The following FNDC3B variants were observed in gnomAD, a reference collection of about 807,000 sequenced individuals.
FNDC3B encodes the protein fibronectin type III domain containing 3B.
FNDC3B carries 12 observed loss-of-function variants against 151.5 expected under a neutral mutation model. That is an observed-to-expected ratio of 0.08 (90% confidence interval 0.05 to 0.13). The LOEUF (loss-of-function observed/expected upper bound fraction) is 0.13. Ranked by LOEUF, FNDC3B falls within the 10% of genes least tolerant of loss-of-function variation. The pLI, the probability that FNDC3B is intolerant of heterozygous loss-of-function variation, is 1.00. For missense variants in FNDC3B, 1,214 were observed against 1,505.3 expected (o/e 0.81, Z 3.20); for synonymous variants, 528 against 549.0 (o/e 0.96, Z 0.54).
chr3:172,290,092 AC>A (rs1237712132), intron 7 of FNDC3B, among the ~76,000 whole-genome samples: 1 of 152,244 alleles, frequency 6.6e-6, no homozygotes, highest in Middle Eastern at 3.2e-3. Flanking sequence ...AGTTGGGAGC[AC>A]AGTTGTAAAA....
chr3:172,218,159 A>G (rs1007744163), intron 3 of FNDC3B, among the ~76,000 whole-genome samples: 3 of 121,298 alleles, frequency 2.5e-5, no homozygotes, highest in African/African-American at 8.8e-5. Context: ...AAAAAAAAAA[A>G]GGGCTGGTCC....
At chr3:172,174,921 CTT>C in intron 3 of FNDC3B, among the ~76,000 whole-genome samples, 1 of 60,938 alleles carries the variant, frequency 1.6e-5, no homozygotes, top group African/African-American at 5.2e-5. Flanking sequence ...CTTTGGAGAC[CTT>C]CCCCCCGCCA....
chr3:172,271,856 A>T (rs1252775950), intron 6 of FNDC3B, among the ~76,000 whole-genome samples: 1 of 152,224 alleles, frequency 6.6e-6, no homozygotes, highest in African/African-American at 2.4e-5. Flanking sequence ...GTACACTGAC[A>T]ATTTGGAACA....
intron 11 of FNDC3B, among the ~76,000 whole-genome samples, chr3:172,322,875 A>G (rs897520952): frequency 6.6e-6 from 1 of 152,154 alleles, no homozygotes; most frequent in Non-Finnish European, 1.5e-5. Flanking sequence ...GATGGAAGAG[A>G]TCACTCTGCC....
chr3:172,351,553 C>T (rs1370809206), intron 21 of FNDC3B, among the ~76,000 whole-genome samples: 2 of 152,132 alleles, frequency 1.3e-5, no homozygotes, highest in African/African-American at 4.8e-5. Context: ...GATGGAAACC[C>T]ACTGAAGGAA....
intron 23 of FNDC3B, among the ~76,000 whole-genome samples, chr3:172,370,923 G>T (rs1734850709): frequency 6.6e-6 from 1 of 152,148 alleles, no homozygotes; most frequent in South Asian, 2.1e-4. Flanking sequence ...TGGGACATTT[G>T]TTACAGCTGA....
At chr3:172,366,978 C>T (rs1734656643) in intron 23 of FNDC3B, among the ~76,000 whole-genome samples, 4 of 152,178 alleles carry the variant, frequency 2.6e-5, no homozygotes, top group Admixed American at 2.0e-4. Flanking sequence ...TAAGTTTGGG[C>T]ATGTTTCATG....
chr3:172,325,817 A>G (rs1437823836), intron 11 of FNDC3B, among the ~76,000 whole-genome samples: 3 of 152,072 alleles, frequency 2.0e-5, no homozygotes, highest in Non-Finnish European at 2.9e-5. Context: ...CTTTCCAGAT[A>G]TGCATTTTAT....
intron 3 of FNDC3B, among the ~76,000 whole-genome samples, chr3:172,169,025 G>C (rs995812559): frequency 1.1e-5 from 1 of 95,054 alleles, no homozygotes; most frequent in Non-Finnish European, 2.3e-5. Flanking sequence ...GCTCACTGTT[G>C]TAAGAGCTAA....
chr3:172,264,989 C>T (rs902980535), intron 6 of FNDC3B, among the ~76,000 whole-genome samples: 3 of 152,040 alleles, frequency 2.0e-5, no homozygotes, highest in South Asian at 4.1e-4. Context: ...TAAACAACCT[C>T]GATAAGAGGA....
rs552668669 is a variant in FNDC3B, at chr3:172,057,153, A to T, written c.-29+17382A>T. Among the ~76,000 whole-genome samples the T allele has an allele frequency of 2.4e-4, 36 of 152,284 alleles. No homozygotes were observed. In the South Asian group the frequency reaches 7.5e-3, roughly 32 times the overall value. ...TAATAAAGGGGAGTCACTCCCTCCCATTCCTTCTCTCTTTTTGTGGATGTT... is the reference window on the plus strand; with the variant it reads ...TAATAAAGGGGAGTCACTCCCTCCCTTTCCTTCTCTCTTTTTGTGGATGTT... On this transcript the variant is annotated intron_variant, in intron 1 of 25. Transcript: ENST00000415807.
intron 2 of FNDC3B, among the ~76,000 whole-genome samples, chr3:172,130,339 C>T (rs1164762211): frequency 6.6e-6 from 1 of 152,198 alleles, no homozygotes; most frequent in Non-Finnish European, 1.5e-5. Flanking sequence ...ACACAGGAGA[C>T]TTGCCTGGTT....
intron 6 of FNDC3B, among the ~76,000 whole-genome samples, chr3:172,279,921 G>GTTGTTGTTGT (rs1553782222): frequency 3.3e-5 from 5 of 151,726 alleles, no homozygotes; most frequent in African/African-American, 1.2e-4. Context: ...TGTTGTTGTT[G>GTTGTTGTTGT]TTGTTTGTTT....
chr3:172,272,726 T>C (rs1364937888), intron 6 of FNDC3B, among the ~76,000 whole-genome samples: 2 of 152,202 alleles, frequency 1.3e-5, no homozygotes, highest in Non-Finnish European at 2.9e-5. Context: ...TCTTTTCTCA[T>C]TTCCTTTCAC....
intron 1 of FNDC3B, among the ~76,000 whole-genome samples, chr3:172,044,648 G>A (rs1716276349): frequency 6.6e-6 from 1 of 152,056 alleles, no homozygotes; most frequent in Admixed American, 6.6e-5. Flanking sequence ...CCTGACCATT[G>A]GGACCACTGT....
chr3:172,348,685 TC>T (rs1343458685), intron 21 of FNDC3B, among the ~76,000 whole-genome samples: 1 of 152,240 alleles, frequency 6.6e-6, no homozygotes, highest in Non-Finnish European at 1.5e-5. Flanking sequence ...AGCATTGACT[TC>T]CCAAAGCTGC....
intron 3 of FNDC3B, among the ~76,000 whole-genome samples, chr3:172,168,558 G>T (rs767365603): frequency 8.5e-5 from 13 of 152,064 alleles, no homozygotes; most frequent in Non-Finnish European, 1.9e-4. Flanking sequence ...ATTGTTAAAT[G>T]TTAAAATATA....
At chr3:172,287,851 A>T (rs1460891013) in intron 7 of FNDC3B, among the ~76,000 whole-genome samples, 2 of 152,228 alleles carry the variant, frequency 1.3e-5, no homozygotes, top group Non-Finnish European at 2.9e-5. Flanking sequence ...GGGCAGGGTA[A>T]TAGGCTTTTT....
intron 25 of FNDC3B, among the ~76,000 whole-genome samples, chr3:172,381,934 T>G (rs1041077279): frequency 9.9e-5 from 15 of 152,228 alleles, no homozygotes; most frequent in African/African-American, 3.6e-4. Context: ...TAAACATACA[T>G]GTGCATGTGT....
Sources: gnomAD v4.1 joint callset for allele counts (sites outside exome capture counted in the v4.1 genomes callset) on GRCh38, gnomAD v4.1.1 for gene constraint, MANE v1.5 for transcripts, NCBI Gene and HGNC (gene_info 2026-07-23, HGNC 2026-07-21) for gene names.